The following EFR3A variants were observed in gnomAD, a reference collection of about 807,000 sequenced individuals.
EFR3A encodes EFR3 homolog A, also known as protein EFR3 homolog A.
A neutral mutation model predicts 104.4 loss-of-function variants in EFR3A; 76 were observed. The ratio of observed to expected loss-of-function variants is 0.73; its 90% CI spans 0.60 to 0.88. The LOEUF is 0.88. EFR3A is among the 40% of genes least tolerant of loss of function. The pLI is 0.00. For synonymous variants in EFR3A, 330 were observed against 330.0 expected, an observed-to-expected ratio of 1.00 and a Z score of 0.00; for missense variants, 985 against 1,012.5, an observed-to-expected ratio of 0.97 and a Z score of 0.37.
chr8:131,932,026 A>G (rs1039691218), intron 1 of EFR3A, among the ~76,000 whole-genome samples: 1 of 152,096 alleles, frequency 6.6e-6, no homozygotes, highest in African/African-American at 2.4e-5. Flanking sequence ...ATGCCAAATT[A>G]TATAAATTCC....
At position 131,955,762 on chromosome 8, in the gene EFR3A, T is replaced by C; in HGVS notation, c.639-6T>C. Reference sequence around the variant, plus strand: ...GTGTTTTTCTTTATTTCTCGTTCCTTTTTAGTCGCATAGGCCCTCCTTCTT... The same window carrying C: ...GTGTTTTTCTTTATTTCTCGTTCCTCTTTAGTCGCATAGGCCCTCCTTCTT... On this transcript the variant is annotated splice_polypyrimidine_tract_variant and splice_region_variant and intron_variant, in intron 6 of 22. Coordinates refer to ENST00000254624, the MANE Select transcript of EFR3A (RefSeq NM_015137.6). 1 of 1,603,700 alleles carries C rather than the reference T, an allele frequency of 6.2e-7. No individual in the cohort carries two copies. Among genetic ancestry groups the C allele is most frequent in the South Asian group, 1.1e-5 (1 of 88,386 alleles).
chr8:131,919,975 TAA>T (rs1292715499), intron 1 of EFR3A, among the ~76,000 whole-genome samples: 2 of 152,170 alleles, frequency 1.3e-5, no homozygotes, highest in Admixed American at 1.3e-4. Flanking sequence ...GAGTAAAAAG[TAA>T]AGACTTTTCT....
At chr8:131,916,837 A>G (rs527545329) in intron 1 of EFR3A, among the ~76,000 whole-genome samples, 94 of 152,368 alleles carry the variant, frequency 6.2e-4, no homozygotes, top group Non-Finnish European at 1.1e-3. Flanking sequence ...ATGACAATAA[A>G]GGTAATTTAT....
At chr8:131,965,661 C>T (rs2130678918) in intron 8 of EFR3A, among the ~76,000 whole-genome samples, 1 of 152,232 alleles carries the variant, frequency 6.6e-6, no homozygotes, top group South Asian at 2.1e-4. Flanking sequence ...GGCAATTCCT[C>T]AGGGATCTAG....
intron 2 of EFR3A, among the ~76,000 whole-genome samples, chr8:131,941,617 A>G (rs984116952): frequency 1.3e-5 from 2 of 152,138 alleles, no homozygotes; most frequent in African/African-American, 2.4e-5. Context: ...AAGCAGAAAC[A>G]TACTAAATAT....
At chr8:131,991,976 T>A (rs900917416) in intron 18 of EFR3A, among the ~76,000 whole-genome samples, 9 of 152,180 alleles carry the variant, frequency 5.9e-5, no homozygotes, top group Non-Finnish European at 1.2e-4. Context: ...TTCCTTTTTG[T>A]TCTCAATGAT....
chr8:131,963,610 A>G (rs1023852831), intron 8 of EFR3A, among the ~76,000 whole-genome samples: 9 of 152,348 alleles, frequency 5.9e-5, no homozygotes, highest in Admixed American at 4.6e-4. Flanking sequence ...GTCCAGGACC[A>G]GGTGGATTCA....
At chr8:131,987,489 CT>C in intron 17 of EFR3A, 85 bp from the exon 18 acceptor site, 1 of 1,372,526 alleles carries the variant, frequency 7.3e-7, no homozygotes. Context: ...AATATTGAGG[CT>C]TTTGCTCTGG....
At position 131,942,809 on chromosome 8, in the gene EFR3A, C is replaced by T. The variant is rs895779392; in HGVS notation, c.88-1936C>T. Among the ~76,000 whole-genome samples the T allele has an allele frequency of 2.0e-5, 3 of 151,976 alleles. No individual in the cohort carries two copies. In the South Asian group the frequency reaches 6.2e-4, roughly 32 times the overall value. The stretch of plus-strand genomic sequence containing the variant: ...ACCTAAAGGATGAGTAGGAATTATC[C>T]AGGTGAACTGGAGAAGGGTTCCTAG... On this transcript the variant is annotated intron_variant, in intron 2 of 22. Coordinates refer to ENST00000254624, the MANE Select transcript of EFR3A (RefSeq NM_015137.6).
At position 131,946,508 on chromosome 8, in the gene EFR3A, C is replaced by T. The variant is rs2130584542; in HGVS notation, c.241C>T (p.Leu81=). ...SGYVLIAMEA[L]DQLLMACHSQ... The stretch of plus-strand genomic sequence containing the variant: ...GTATGTTTTGATTGCTATGGAGGCA[C>T]TGGACCAACTTCTCATGGCTTGCCA... The change falls in exon 4 of 23, where the codon CTG becomes TTG. Residue 81 remains leucine, a synonymous_variant. Coordinates refer to ENST00000254624, the MANE Select transcript of EFR3A (RefSeq NM_015137.6). 1 of 1,603,838 alleles carries T rather than the reference C, an allele frequency of 6.2e-7. No individual in the cohort carries two copies.
intron 1 of EFR3A, among the ~76,000 whole-genome samples, chr8:131,930,903 C>T (rs557938547): frequency 6.6e-6 from 1 of 152,196 alleles, no homozygotes; most frequent in East Asian, 1.9e-4. Context: ...GAGGTGCAGC[C>T]TATATTATAA....
intron 19 of EFR3A, among the ~76,000 whole-genome samples, chr8:131,998,239 A>G (rs1337240830): frequency 6.6e-6 from 1 of 152,090 alleles, no homozygotes; most frequent in Admixed American, 6.5e-5. Flanking sequence ...GACAGGAGAA[A>G]TTCACATCAG....
chr8:131,913,780 G>T (rs969928624), intron 1 of EFR3A, among the ~76,000 whole-genome samples: 2 of 152,144 alleles, frequency 1.3e-5, no homozygotes, highest in Non-Finnish European at 2.9e-5. Context: ...AACTGTAAAC[G>T]AATTTCACTC....
intron 22 of EFR3A, among the ~76,000 whole-genome samples, chr8:132,006,431 A>G (rs962844561): frequency 6.6e-6 from 1 of 151,444 alleles, no homozygotes; most frequent in Non-Finnish European, 1.5e-5. Flanking sequence ...TAAATTCAAC[A>G]CTTTAGATGA....
At chr8:131,913,426 T>C (rs1816610690) in intron 1 of EFR3A, among the ~76,000 whole-genome samples, 1 of 151,998 alleles carries the variant, frequency 6.6e-6, no homozygotes, top group Non-Finnish European at 1.5e-5. Flanking sequence ...TTAGATAGTG[T>C]GATTCTAATT....
chr8:132,006,063 C>G (rs568622303), intron 22 of EFR3A, among the ~76,000 whole-genome samples: 1 of 152,182 alleles, frequency 6.6e-6, no homozygotes, highest in South Asian at 2.1e-4. Context: ...AAATACCTAT[C>G]AAAGTTTTGT....
At chr8:132,010,731 C>T (rs772570211) in intron 22 of EFR3A, 59 bp from the exon 23 acceptor site, 264 of 1,566,726 alleles carry the variant, frequency 1.7e-4, no homozygotes, top group Non-Finnish European at 2.2e-4. Context: ...ATAGAATACT[C>T]GGTGAAATGA....
At position 131,923,342 on chromosome 8, in the gene EFR3A, A is replaced by G. The variant is rs73349346; in HGVS notation, c.11-17157A>G. 8.6e-3 allele frequency among the ~76,000 whole-genome samples: 1,316 copies of G among 152,216 alleles called. 21 individuals are homozygous for G. Among genetic ancestry groups the G allele is most frequent in the African/African-American group, 0.028 (1,167 of 41,556 alleles). Reference sequence around the variant, plus strand: ...TTTGTGGGTATGCACTGAAGGAACTATCTTTTAAATTGTTTAATTGTGGAT... The same window carrying G: ...TTTGTGGGTATGCACTGAAGGAACTGTCTTTTAAATTGTTTAATTGTGGAT... On this transcript the variant is annotated intron_variant, in intron 1 of 22. Coordinates refer to ENST00000254624, the MANE Select transcript of EFR3A (RefSeq NM_015137.6).
At position 131,987,690 on chromosome 8, in the gene EFR3A, C is replaced by T; in HGVS notation, c.2053C>T (p.Pro685Ser). 1 of 1,590,840 alleles carries T rather than the reference C, an allele frequency of 6.3e-7. No individual in the cohort carries two copies. ...TGAGAGATTGTCAGTTCCGTATGTA[C>T]CACAAGTAACAGGTAAGAGGAGGAT... Reference protein sequence around the residue: ...SVERLSVPYVPQVTDEDRLSR... With the variant: ...SVERLSVPYVSQVTDEDRLSR... Residue 685 changes from proline to serine, a missense_variant, in exon 18 of 23, where the codon CCA (proline) becomes TCA (serine). Pro to Ser is a moderately conservative substitution (Grantham distance 74). Coordinates refer to ENST00000254624, the MANE Select transcript of EFR3A (RefSeq NM_015137.6).
Sources: gnomAD v4.1 joint callset for allele counts (sites outside exome capture counted in the v4.1 genomes callset) on GRCh38, gnomAD v4.1.1 for gene constraint, MANE v1.5 for transcripts, NCBI Gene and HGNC (gene_info 2026-07-23, HGNC 2026-07-21) for gene names.